Variants in SLC25A13 observed in about 807,000 individuals in gnomAD.
SLC25A13 encodes solute carrier family 25 member 13, also known as electrogenic aspartate/glutamate antiporter SLC25A13, mitochondrial.
A neutral mutation model predicts 85.5 loss-of-function variants in SLC25A13; 70 were observed. That is an observed-to-expected ratio of 0.82 (90% CI 0.68 to 1.00). The LOEUF is 1.00. Among genes scored for constraint, SLC25A13 ranks in the 50% least tolerant of loss-of-function variants. SLC25A13 has a pLI of 0.00. For missense variants in SLC25A13, 765 were observed against 819.8 expected (o/e 0.93, Z 0.82); for synonymous variants, 259 against 288.7 (o/e 0.90, Z 1.04).
rs774277675 is a variant in SLC25A13 at position 96,121,190 on chromosome 7, C to T, written c.*1G>A. The stretch of plus-strand genomic sequence containing the variant: ...ACAGCACTATCCCAGGGCTGATCTT[C>T]CTATGGGCCTCCACCAATAGCCTTT... On this transcript the variant is annotated 3_prime_UTR_variant, in exon 18 of 18. Coordinates refer to ENST00000265631, the MANE Select transcript of SLC25A13 (RefSeq NM_014251.3). The T allele has an allele frequency of 6.2e-7, 1 of 1,614,146 alleles. No homozygotes were observed. Among genetic ancestry groups the T allele is most frequent in the South Asian group, 1.1e-5 (1 of 91,082 alleles).
At chr7:96,138,398 CTT>C (rs751447641) in intron 14 of SLC25A13, among the ~76,000 whole-genome samples, 24 of 139,480 alleles carry the variant, frequency 1.7e-4, no homozygotes, top group Admixed American at 2.2e-4. Flanking sequence ...TTTTCTTTTT[CTT>C]TTTTTTTTTT....
chr7:96,240,888 G>A (rs1390605081), intron 3 of SLC25A13, among the ~76,000 whole-genome samples: 1 of 148,048 alleles, frequency 6.8e-6, no homozygotes, highest in Non-Finnish European at 1.5e-5. Context: ...ATCTGACAGA[G>A]GAGTGTTAAA....
At chr7:96,172,171 A>C (rs972467412) in intron 11 of SLC25A13, among the ~76,000 whole-genome samples, 1 of 152,192 alleles carries the variant, frequency 6.6e-6, no homozygotes, top group African/African-American at 2.4e-5. Context: ...GCAGCCTGAG[A>C]GGTCACTAGC....
At chr7:96,139,580 A>G (rs1792437529) in intron 14 of SLC25A13, among the ~76,000 whole-genome samples, 1 of 152,212 alleles carries the variant, frequency 6.6e-6, no homozygotes, top group African/African-American at 2.4e-5. Flanking sequence ...GTCCATCAGG[A>G]GTAAGGCACA....
intron 2 of SLC25A13, among the ~76,000 whole-genome samples, chr7:96,280,423 A>C (rs1204850606): frequency 1.3e-5 from 2 of 152,140 alleles, no homozygotes; most frequent in Non-Finnish European, 2.9e-5. Context: ...ATGCAAAATA[A>C]AACAATGCAA....
intron 14 of SLC25A13, among the ~76,000 whole-genome samples, chr7:96,133,223 A>G (rs1240787658): frequency 6.6e-6 from 1 of 152,206 alleles, no homozygotes; most frequent in Non-Finnish European, 1.5e-5. Context: ...CTCTGTGTAT[A>G]CAGGTATTCA....
rs544755641 is a variant in SLC25A13, at chr7:96,182,529, T to C, written c.1177+1748A>G. On this transcript the variant is annotated intron_variant, in intron 11 of 17. Transcript: ENST00000265631. Reference sequence around the variant, plus strand: ...TGAGCCTCTGTCTGTACCTAATATATTGACTTACTACTCCTCTGAGAAGTT... The same window carrying C: ...TGAGCCTCTGTCTGTACCTAATATACTGACTTACTACTCCTCTGAGAAGTT... Among the ~76,000 whole-genome samples the C allele has an allele frequency of 7.7e-4, 118 of 152,316 alleles. 1 individual carries two copies. In the South Asian group the frequency reaches 0.011, roughly 14 times the overall value.
At chr7:96,159,492 C>T (rs1167289052) in intron 13 of SLC25A13, among the ~76,000 whole-genome samples, 2 of 152,118 alleles carry the variant, frequency 1.3e-5, no homozygotes, top group Non-Finnish European at 2.9e-5. Flanking sequence ...AGTGAGAAGG[C>T]GGCCATCTGC....
chr7:96,293,587 A>C (rs1799212854), intron 2 of SLC25A13, among the ~76,000 whole-genome samples: 1 of 152,246 alleles, frequency 6.6e-6, no homozygotes. Flanking sequence ...TCACAAGAAA[A>C]AAACAAACAA....
intron 3 of SLC25A13, among the ~76,000 whole-genome samples, chr7:96,235,638 G>A (rs775668744): frequency 3.9e-5 from 6 of 152,194 alleles, no homozygotes; most frequent in Non-Finnish European, 8.8e-5. Context: ...GAAGGCTAAT[G>A]CAAGAAAGCT....
chr7:96,190,387 G>A (rs548002553), intron 7 of SLC25A13, among the ~76,000 whole-genome samples: 2 of 151,854 alleles, frequency 1.3e-5, no homozygotes, highest in African/African-American at 4.8e-5. Flanking sequence ...CACCGCACCG[G>A]CTCTGATTTT....
chr7:96,208,759 C>A, intron 5 of SLC25A13, 79 bp downstream of exon 5: 1 of 1,538,154 alleles, frequency 6.5e-7, no homozygotes, highest in Non-Finnish European at 9.0e-7. Flanking sequence ...CCCACCTCGG[C>A]CTCCCAAAGT....
intron 4 of SLC25A13, among the ~76,000 whole-genome samples, chr7:96,230,138 T>A (rs1796483981): frequency 6.6e-6 from 1 of 152,200 alleles, no homozygotes. Context: ...TAGAGTCACA[T>A]AATGGAATTC....
intron 3 of SLC25A13, among the ~76,000 whole-genome samples, chr7:96,239,685 A>G (rs1796893081): frequency 6.6e-6 from 1 of 152,154 alleles, no homozygotes; most frequent in Non-Finnish European, 1.5e-5. Context: ...GCAAATGTAC[A>G]AGTCACATTT....
chr7:96,312,619 T>C (rs1759526429), intron 1 of SLC25A13, among the ~76,000 whole-genome samples: 1 of 91,242 alleles, frequency 1.1e-5, no homozygotes, highest in Admixed American at 1.1e-4. Context: ...CCCAGCACAG[T>C]GTAGGCACTG....
At chr7:96,136,461 AAC>A (rs1407811438) in intron 14 of SLC25A13, among the ~76,000 whole-genome samples, 1 of 152,240 alleles carries the variant, frequency 6.6e-6, no homozygotes, top group African/African-American at 2.4e-5. Flanking sequence ...CAATAGATAT[AAC>A]ACAACAGGAT....
chr7:96,194,135 C>T (rs1175900216), intron 5 of SLC25A13, among the ~76,000 whole-genome samples: 5 of 151,976 alleles, frequency 3.3e-5, no homozygotes, highest in Non-Finnish European at 7.4e-5. Flanking sequence ...AACTTCTATG[C>T]AATTAAAAAG....
intron 11 of SLC25A13, among the ~76,000 whole-genome samples, chr7:96,182,425 T>C (rs1270926621): frequency 6.6e-6 from 1 of 152,216 alleles, no homozygotes; most frequent in Non-Finnish European, 1.5e-5. Context: ...CTCTTGCCCT[T>C]AAGGTTGGGG....
intron 15 of SLC25A13, 47 bp from the exon 16 acceptor site, chr7:96,122,044 A>G (rs1397295810): frequency 6.2e-7 from 1 of 1,611,072 alleles, no homozygotes; most frequent in Admixed American, 1.7e-5. Flanking sequence ...CATTCTCACT[A>G]TATAAAAATA....
Sources: allele counts gnomAD v4.1 joint callset (sites outside exome capture counted in the v4.1 genomes callset), GRCh38; gene constraint gnomAD v4.1.1; transcripts MANE v1.5; gene names NCBI Gene and HGNC (gene_info 2026-07-23, HGNC 2026-07-21).